Variants in SRGAP2B observed in about 807,000 individuals in gnomAD.
SRGAP2B encodes SLIT-ROBO Rho GTPase-activating protein 2B.
Under a neutral mutation model 22.2 loss-of-function variants are expected in SRGAP2B, and 9 were observed. The observed-to-expected ratio is 0.41, with a 90% CI of 0.24 to 0.71. SRGAP2B has a LOEUF of 0.71. Ranked by LOEUF, SRGAP2B falls within the 30% of genes least tolerant of loss-of-function variation. The pLI, the probability that SRGAP2B is intolerant of heterozygous loss-of-function variation, is 0.35. For synonymous variants in SRGAP2B, 36 were observed against 87.4 expected (o/e 0.41, Z 3.28); for missense variants, 114 against 235.8 (o/e 0.48, Z 3.38).
chr1:144,997,439 A>T (rs1285000241), intron 2 of SRGAP2B, among the ~76,000 whole-genome samples: 1 of 150,074 alleles, frequency 6.7e-6, no homozygotes, highest in Non-Finnish European at 1.5e-5. Flanking sequence ...TCAAACAAAC[A>T]ACAAAAAAAA....
intron 2 of SRGAP2B, among the ~76,000 whole-genome samples, chr1:145,090,574 T>C (rs587767093): frequency 2.4e-4 from 35 of 144,758 alleles, no homozygotes; most frequent in South Asian, 2.2e-3. Flanking sequence ...TAATCTATTA[T>C]CATTATCATT....
At chr1:144,970,552 A>C (rs1668431377) in intron 3 of SRGAP2B, among the ~76,000 whole-genome samples, 1 of 117,898 alleles carries the variant, frequency 8.5e-6, no homozygotes, top group Admixed American at 8.5e-5. Context: ...ATGCTAGATG[A>C]CGAGTTAGTG....
chr1:144,905,803 G>T (rs1472423153), intron 6 of SRGAP2B, 56 bp downstream of exon 6: 3 of 708,638 alleles, frequency 4.2e-6, no homozygotes, highest in African/African-American at 3.9e-5. Context: ...ATTCCTATCA[G>T]CCATGCCTTA....
chr1:145,094,249 C>G (rs1380243819), intron 1 of SRGAP2B, among the ~76,000 whole-genome samples: 1 of 35,032 alleles, frequency 2.9e-5, no homozygotes, highest in African/African-American at 1.4e-4. Context: ...CTCCTCGCAC[C>G]AGGCGGTGCC....
chr1:144,911,686 T>C (rs1663424732), intron 5 of SRGAP2B, among the ~76,000 whole-genome samples: 10 of 146,544 alleles, frequency 6.8e-5, no homozygotes, highest in South Asian at 2.2e-4. Flanking sequence ...GGCACGATCT[T>C]GGCTCACTGC....
At chr1:144,931,362 A>G (rs1553605613) in intron 4 of SRGAP2B, among the ~76,000 whole-genome samples, 3 of 150,144 alleles carry the variant, frequency 2.0e-5, no homozygotes, top group African/African-American at 7.5e-5. Flanking sequence ...TCTTATCTGT[A>G]TTCTCCTAAT....
rs1401937386 is a variant in SRGAP2B, at chr1:144,895,866, ACTC to A, written c.1053+1247_1053+1249del. On this transcript the variant is annotated intron_variant, in intron 8 of 9. Coordinates refer to ENST00000612199, the Ensembl canonical transcript of SRGAP2B. ...TGCTGTTTTTTGGTCCCCGGCGTCC[ACTC>A]CTCCTTTTTTTGGTAGCTTTGGTCT... 1.3e-4 allele frequency among the ~76,000 whole-genome samples: 6 copies of A among 45,362 alleles called. No individual in the cohort carries two copies. The South Asian group carries it at 4.7e-3, about 36-fold the overall frequency. The allele number at this position is 45,362 out of a possible 152,430, so 29.8% of individuals were successfully genotyped here.
intron 3 of SRGAP2B, among the ~76,000 whole-genome samples, chr1:144,993,966 T>G (rs1282864580): frequency 1.3e-5 from 2 of 150,346 alleles, no homozygotes; most frequent in African/African-American, 5.0e-5. Context: ...TATTATGAGG[T>G]TTTTTTGCAA....
chr1:144,975,442 T>A (rs1275902676), intron 3 of SRGAP2B, among the ~76,000 whole-genome samples: 4 of 148,652 alleles, frequency 2.7e-5, no homozygotes, highest in African/African-American at 1.0e-4. Context: ...AGATTAATAT[T>A]CTCATGGAAA....
chr1:144,990,969 G>A (rs1366680477), intron 3 of SRGAP2B, among the ~76,000 whole-genome samples: 5 of 150,442 alleles, frequency 3.3e-5, no homozygotes, highest in African/African-American at 1.2e-4. Flanking sequence ...GAGCCTCCCC[G>A]ACGAGCACCA....
intron 4 of SRGAP2B, among the ~76,000 whole-genome samples, chr1:144,943,954 G>A (rs1403731635): frequency 1.3e-5 from 2 of 150,482 alleles, no homozygotes; most frequent in African/African-American, 5.0e-5. Context: ...AGCCTGCCAA[G>A]TTAGAGGGGC....
chr1:144,910,790 C>T (rs1271758731), intron 5 of SRGAP2B, among the ~76,000 whole-genome samples: 8 of 50,422 alleles, frequency 1.6e-4, no homozygotes, highest in African/African-American at 7.5e-4. Context: ...AAGGCATTCC[C>T]GGTGCATCAG....
intron 4 of SRGAP2B, among the ~76,000 whole-genome samples, chr1:144,927,328 C>G (rs1197626290): frequency 6.7e-6 from 1 of 150,308 alleles, no homozygotes; most frequent in Non-Finnish European, 1.5e-5. Context: ...GATCATTTTC[C>G]TTCTGCCTAA....
chr1:144,906,104 G>T (rs1173202693), intron 5 of SRGAP2B, 30 bp from the exon 6 acceptor site: 17 of 680,926 alleles, frequency 2.5e-5, no homozygotes, highest in Non-Finnish European at 4.3e-5. Context: ...CCCACCCCCA[G>T]AGGTCAAGCC....
intron 5 of SRGAP2B, among the ~76,000 whole-genome samples, chr1:144,914,383 T>C (rs1283502130): frequency 1.3e-5 from 2 of 151,014 alleles, no homozygotes; most frequent in Non-Finnish European, 1.5e-5. Context: ...GGGTCCCTGG[T>C]TTGCTGCTAA....
intron 5 of SRGAP2B, among the ~76,000 whole-genome samples, chr1:144,912,117 T>A (rs1553349902): frequency 6.1e-5 from 8 of 131,330 alleles, no homozygotes; most frequent in Non-Finnish European, 9.0e-5. Flanking sequence ...TGCCCAGCTA[T>A]TTTTTTTTGT....
chr1:144,995,116 TC>T lies in SRGAP2B; in HGVS notation c.151del (p.Asp51ThrfsTer53). The stretch of plus-strand genomic sequence containing the variant: ...AATCTCTGCCTTCTTTCGGAAGAAG[TC>T]CTGGAGGTCCTGCAACAGTTGCACC... On this transcript the variant is annotated frameshift_variant, in exon 3 of 10. Transcript: ENST00000612199. LOFTEE classifies it high-confidence loss of function. The T allele has an allele frequency of 7.6e-7, 1 of 1,307,826 alleles. No individual in the cohort carries two copies. The highest frequency in any genetic ancestry group is 1.1e-6 in the Non-Finnish European group (1 of 947,136). The allele number at this position is 1,307,826 out of a possible 1,614,324, so 81.0% of individuals were successfully genotyped here. A position where few individuals can be genotyped will look rare whatever the true frequency, so the allele number is the denominator to read the frequency against.
chr1:144,971,650 C>G lies in SRGAP2B; in HGVS notation c.261-16049G>C, dbSNP rs587755532. ...ATCTGATTCTCTGGAAATTCCCAAA[C>G]TCAGTGAATCTTCTGTGCCTAATGT... On this transcript the variant is annotated intron_variant, in intron 3 of 9. Coordinates refer to ENST00000612199, the Ensembl canonical transcript of SRGAP2B. 6.7e-3 allele frequency among the ~76,000 whole-genome samples: 1,008 copies of G among 150,964 alleles called. 62 individuals are homozygous for G. Among genetic ancestry groups the G allele is most frequent in the African/African-American group, 0.023 (950 of 40,454 alleles).
intron 4 of SRGAP2B, among the ~76,000 whole-genome samples, chr1:144,923,510 C>T: frequency 6.7e-6 from 1 of 149,090 alleles, no homozygotes; most frequent in Non-Finnish European, 1.5e-5. Flanking sequence ...ACAAAAGACA[C>T]AAAAGCAAAC....
Sources: allele counts gnomAD v4.1 joint callset (sites outside exome capture counted in the v4.1 genomes callset), GRCh38; gene constraint gnomAD v4.1.1; transcripts MANE v1.5; gene names NCBI Gene and HGNC (gene_info 2026-07-23, HGNC 2026-07-21).